LNPEP: variants seen among roughly 807,000 people sequenced by gnomAD.
LNPEP encodes leucyl-cystinyl aminopeptidase.
LNPEP carries 64 observed loss-of-function variants against 120.6 expected under a neutral mutation model. The observed-to-expected ratio is 0.53, with a 90% CI of 0.43 to 0.65. The LOEUF (loss-of-function observed/expected upper bound fraction) is 0.65. Ranked by LOEUF, LNPEP falls within the 30% of genes least tolerant of loss-of-function variation. LNPEP has a pLI of 0.00. For synonymous variants in LNPEP, 435 were observed against 425.4 expected (o/e 1.02, Z -0.28); for missense variants, 1,057 against 1,200.0 (o/e 0.88, Z 1.76).
At chr5:97,023,629 C>T (rs1561455953) in intron 14 of LNPEP, among the ~76,000 whole-genome samples, 1 of 152,108 alleles carries the variant, frequency 6.6e-6, no homozygotes, top group East Asian at 1.9e-4. Context: ...CCATTCATTC[C>T]TGGATAGACC....
chr5:96,993,166 T>G (rs775622889), intron 5 of LNPEP, 31 bp downstream of exon 5: 11 of 1,477,386 alleles, frequency 7.4e-6, no homozygotes, highest in Non-Finnish European at 9.2e-6. Context: ...CTGATTTTTG[T>G]TATAATTAGA....
At position 97,028,572 on chromosome 5, in the gene LNPEP, A is replaced by G. The variant is rs904562866; in HGVS notation, c.*39A>G. 3 of 1,606,166 alleles carry G rather than the reference A, an allele frequency of 1.9e-6. No homozygotes were observed. Among genetic ancestry groups the G allele is most frequent in the Non-Finnish European group, 2.6e-6 (3 of 1,175,706 alleles). On this transcript the variant is annotated 3_prime_UTR_variant, in exon 18 of 18. Coordinates refer to ENST00000231368, the MANE Select transcript of LNPEP (RefSeq NM_005575.3). ...ACCTCATTTTGTTGCCCATTCAGAG[A>G]GCTTGTAAGCTTGGGCTCTGCCGCT...
intron 1 of LNPEP, among the ~76,000 whole-genome samples, chr5:96,969,203 AT>A (rs1415497707): frequency 1.3e-5 from 2 of 151,930 alleles, no homozygotes; most frequent in Non-Finnish European, 2.9e-5. Context: ...AAATACAGAA[AT>A]CCAAATACAA....
intron 1 of LNPEP, among the ~76,000 whole-genome samples, chr5:96,968,330 GCAAGCCTGTACTGGA>G (rs1317639370): frequency 1.3e-5 from 2 of 152,068 alleles, no homozygotes; most frequent in African/African-American, 4.8e-5. Flanking sequence ...CTACCAAGAA[GCAAGCCTGTACTGGA>G]TAATCCCCCA....
At chr5:96,948,200 CT>C (rs1332378477) in intron 1 of LNPEP, among the ~76,000 whole-genome samples, 1 of 152,092 alleles carries the variant, frequency 6.6e-6, no homozygotes, top group Admixed American at 6.5e-5. Context: ...TCACTGCAAC[CT>C]CTACCTCCCG....
intron 13 of LNPEP, among the ~76,000 whole-genome samples, chr5:97,018,616 G>A (rs1312066692): frequency 1.3e-5 from 2 of 151,956 alleles, no homozygotes; most frequent in African/African-American, 2.4e-5. Flanking sequence ...CTAATATTAG[G>A]GTGAAAATTC....
chr5:96,997,130 C>T (rs1212296055), intron 7 of LNPEP, among the ~76,000 whole-genome samples: 5 of 152,014 alleles, frequency 3.3e-5, no homozygotes, highest in Admixed American at 3.3e-4. Context: ...GATATTCAAA[C>T]ACACTAGGCC....
chr5:97,014,104 C>T (rs555305387), intron 12 of LNPEP, among the ~76,000 whole-genome samples: 6 of 152,200 alleles, frequency 3.9e-5, no homozygotes, highest in East Asian at 1.9e-4. Context: ...ACTTGATACA[C>T]GAGTTCAAGC....
At chr5:97,000,222 T>C (rs938445645) in intron 8 of LNPEP, among the ~76,000 whole-genome samples, 1 of 152,190 alleles carries the variant, frequency 6.6e-6, no homozygotes, top group African/African-American at 2.4e-5. Context: ...ATAATGTGGT[T>C]GAGAAGCCCT....
intron 1 of LNPEP, among the ~76,000 whole-genome samples, chr5:96,977,275 G>A (rs183013866): frequency 3.7e-4 from 56 of 152,122 alleles, no homozygotes; most frequent in African/African-American, 1.3e-3. Flanking sequence ...TTGTGTTGTA[G>A]CAAGTTAAGC....
At chr5:97,001,923 T>C (rs1246272185) in intron 8 of LNPEP, among the ~76,000 whole-genome samples, 1 of 152,144 alleles carries the variant, frequency 6.6e-6, no homozygotes, top group Non-Finnish European at 1.5e-5. Flanking sequence ...GTGGATCACC[T>C]GAGGTCAGCA....
At chr5:96,990,791 T>C (rs1439236057) in intron 4 of LNPEP, among the ~76,000 whole-genome samples, 1 of 152,222 alleles carries the variant, frequency 6.6e-6, no homozygotes, top group Admixed American at 6.5e-5. Flanking sequence ...TTCTATATTG[T>C]TTAATTTTTA....
At chr5:96,941,291 A>T (rs1367477909) in intron 1 of LNPEP, among the ~76,000 whole-genome samples, 1 of 152,136 alleles carries the variant, frequency 6.6e-6, no homozygotes, top group Non-Finnish European at 1.5e-5. Context: ...ATGAAGCTTC[A>T]CTTGTTTGCC....
intron 9 of LNPEP, among the ~76,000 whole-genome samples, chr5:97,005,698 T>C (rs990136805): frequency 9.2e-5 from 14 of 152,230 alleles, no homozygotes; most frequent in African/African-American, 2.7e-4. Context: ...ATTATTCATA[T>C]CTTGTAGATG....
Position 97,030,978 on chromosome 5 carries a change from G to A in LNPEP, c.*2445G>A, listed in dbSNP as rs1582041406. On this transcript the variant is annotated 3_prime_UTR_variant, in exon 18 of 18. Transcript: ENST00000231368. ...AGAGGTAGAACTTGTAGTGTAATAG[G>A]TATAATGGTAGCTTTCAAAGTTTTA... 6.6e-6 allele frequency: 1 copy of A among 151,884 alleles called. No homozygotes were observed. Among genetic ancestry groups the A allele is most frequent in the South Asian group, 2.1e-4 (1 of 4,804 alleles). 9.4% of individuals were successfully genotyped at this position (151,884 alleles called of 1,614,324 possible).
At chr5:96,960,218 G>A (rs916477370) in intron 1 of LNPEP, among the ~76,000 whole-genome samples, 2 of 152,034 alleles carry the variant, frequency 1.3e-5, no homozygotes, top group Admixed American at 1.3e-4. Flanking sequence ...GATTACAGGC[G>A]TGAGCCACCG....
At chr5:97,019,519 A>G (rs1008403594) in intron 13 of LNPEP, among the ~76,000 whole-genome samples, 1 of 152,152 alleles carries the variant, frequency 6.6e-6, no homozygotes, top group African/African-American at 2.4e-5. Context: ...TTAAACAACT[A>G]TTTTGAGAAC....
chr5:96,955,132 C>T (rs1789432019), intron 1 of LNPEP, among the ~76,000 whole-genome samples: 1 of 151,872 alleles, frequency 6.6e-6, no homozygotes, highest in Non-Finnish European at 1.5e-5. Context: ...ACCCTTCTAT[C>T]CCTCTTTTCA....
At chr5:97,024,486 C>G in intron 14 of LNPEP, 35 bp from the exon 15 acceptor site, 1 of 1,593,800 alleles carries the variant, frequency 6.3e-7, no homozygotes, top group Non-Finnish European at 8.6e-7. Flanking sequence ...AGAATATTTT[C>G]TTGTTATTCT....
Sources: allele counts gnomAD v4.1 joint callset (sites outside exome capture counted in the v4.1 genomes callset), GRCh38; gene constraint gnomAD v4.1.1; transcripts MANE v1.5; gene names NCBI Gene and HGNC (gene_info 2026-07-23, HGNC 2026-07-21).